The following MACROD2 variants were observed in gnomAD, a reference collection of about 807,000 sequenced individuals.
MACROD2 encodes the protein mono-ADP ribosylhydrolase 2.
Under a neutral mutation model 70.4 loss-of-function variants are expected in MACROD2, and 36 were observed. The ratio of observed to expected loss-of-function variants is 0.51; its 90% CI spans 0.39 to 0.68. The LOEUF (loss-of-function observed/expected upper bound fraction) is 0.68, where lower values mean the gene tolerates loss of function less well. Among genes scored for constraint, MACROD2 ranks in the 30% least tolerant of loss-of-function variants. The probability of loss-of-function intolerance (pLI) is 0.00; values close to 1 mark genes in which losing one functional copy is unlikely to be tolerated. For missense variants in MACROD2, 496 were observed against 538.4 expected (o/e 0.92, Z 0.78); for synonymous variants, 172 against 178.8 (o/e 0.96, Z 0.30).
At chr20:15,869,238 T>TATATATATAGAGAGAGAGAGAGAGAGAG in intron 9 of MACROD2, among the ~76,000 whole-genome samples, 3 of 28,296 alleles carry the variant, frequency 1.1e-4, no homozygotes, top group African/African-American at 3.0e-4. Flanking sequence ...TATATATATA[T>TATATATATAGAGAGAGAGAGAGAGAGAG]AGAGAGAGAG....
At position 15,044,011 on chromosome 20, in the gene MACROD2, G is replaced by A. The variant is rs1442119496; in HGVS notation, c.419-185929G>A. On this transcript the variant is annotated intron_variant, in intron 5 of 17. Coordinates refer to ENST00000684519, the MANE Select transcript of MACROD2 (RefSeq NM_001351661.2). ...CCCCTGAAACTCTCTGCACTCCATTGTGTAGGGTTTTTATGGAGGTGTCAT... is the reference window on the plus strand; with the variant it reads ...CCCCTGAAACTCTCTGCACTCCATTATGTAGGGTTTTTATGGAGGTGTCAT... 3.3e-5 allele frequency among the ~76,000 whole-genome samples: 5 copies of A among 152,180 alleles called. No individual in the cohort carries two copies. The East Asian group carries it at 9.6e-4, about 29-fold the overall frequency.
intron 3 of MACROD2, among the ~76,000 whole-genome samples, chr20:14,362,919 T>C (rs2083236454): frequency 6.6e-6 from 1 of 152,154 alleles, no homozygotes; most frequent in African/African-American, 2.4e-5. Flanking sequence ...AACATATAAG[T>C]ACATATAATT....
rs548522491 is a variant in MACROD2 at position 15,207,436 on chromosome 20, G to GT, written c.419-22483dup. On this transcript the variant is annotated intron_variant, in intron 5 of 17. Transcript: ENST00000684519. ...TCTTTTGTTTGTTTGTTTGTTTCTG[G>GT]TTTTTTTTTTTTTTTTTTTTTCAGA... 7.2e-3 allele frequency among the ~76,000 whole-genome samples: 607 copies of GT among 84,552 alleles called. 28 individuals carry two copies. The highest frequency in any genetic ancestry group is 0.016 in the East Asian group (52 of 3,218). 55.5% of individuals were successfully genotyped at this position (84,552 alleles called of 152,430 possible).
chr20:14,335,111 C>T (rs1451443052), intron 3 of MACROD2, among the ~76,000 whole-genome samples: 2 of 152,048 alleles, frequency 1.3e-5, no homozygotes, highest in Admixed American at 1.3e-4. Flanking sequence ...TAAAACTGTT[C>T]AAAATAATCC....
At chr20:15,726,205 GT>G (rs2050860379) in intron 8 of MACROD2, among the ~76,000 whole-genome samples, 1 of 152,086 alleles carries the variant, frequency 6.6e-6, no homozygotes, top group Non-Finnish European at 1.5e-5. Flanking sequence ...TTCTACGTTA[GT>G]TCTCTTAGGA....
intron 5 of MACROD2, among the ~76,000 whole-genome samples, chr20:14,710,278 A>G (rs2071322548): frequency 6.6e-6 from 1 of 152,224 alleles, no homozygotes; most frequent in African/African-American, 2.4e-5. Flanking sequence ...GGTGAGTGGT[A>G]AAGTTCTGCC....
chr20:14,290,766 C>A (rs1348330652), intron 3 of MACROD2, among the ~76,000 whole-genome samples: 1 of 152,226 alleles, frequency 6.6e-6, no homozygotes, highest in Admixed American at 6.5e-5. Context: ...GCCTCAGCCT[C>A]CCAGAGTGCT....
intron 8 of MACROD2, among the ~76,000 whole-genome samples, chr20:15,585,979 T>C (rs1203120537): frequency 6.6e-6 from 1 of 152,050 alleles, no homozygotes; most frequent in Non-Finnish European, 1.5e-5. Flanking sequence ...AGGGCTGGAG[T>C]ATCTTTCTGA....
intron 3 of MACROD2, among the ~76,000 whole-genome samples, chr20:14,310,350 A>G (rs1263015156): frequency 6.6e-6 from 1 of 152,076 alleles, no homozygotes; most frequent in East Asian, 1.9e-4. Flanking sequence ...ATAAAATTAC[A>G]GTCATGTGCT....
intron 4 of MACROD2, among the ~76,000 whole-genome samples, chr20:14,521,451 A>G (rs1199427195): frequency 6.6e-6 from 1 of 152,244 alleles, no homozygotes; most frequent in Non-Finnish European, 1.5e-5. Context: ...TATTACATTA[A>G]ATAAGATTAT....
intron 6 of MACROD2, among the ~76,000 whole-genome samples, chr20:15,240,570 AAAG>A (rs1228143747): frequency 3.9e-5 from 6 of 152,326 alleles, no homozygotes; most frequent in South Asian, 2.1e-4. Context: ...TCTAAAAAGA[AAAG>A]AAGAAGAAGA....
In MACROD2 at chr20:14,575,017, C is replaced by CAAAAAAAA. The variant is rs1195216470; in HGVS notation, c.301+81527_301+81534dup. 2.1e-3 allele frequency among the ~76,000 whole-genome samples: 103 copies of CAAAAAAAA among 49,894 alleles called. 3 individuals carry two copies. The highest frequency in any genetic ancestry group is 7.1e-3 in the African/African-American group (97 of 13,698). 32.7% of individuals were successfully genotyped at this position (49,894 alleles called of 152,430 possible). On this transcript the variant is annotated intron_variant, in intron 4 of 17. Transcript: ENST00000684519. ...TGGGCGACAGAGCGAGACTCTGTCT[C>CAAAAAAAA]AAAAAAAAAAAAAAAAAAAAAAAAA... is the stretch of plus-strand genomic sequence containing the variant.
chr20:14,748,488 T>C (rs937535070), intron 5 of MACROD2, among the ~76,000 whole-genome samples: 2 of 152,120 alleles, frequency 1.3e-5, no homozygotes, highest in Non-Finnish European at 2.9e-5. Context: ...AGCAGAAATT[T>C]TGTATCTTAA....
intron 1 of MACROD2, among the ~76,000 whole-genome samples, chr20:13,997,991 T>C (rs1177670261): frequency 6.6e-6 from 1 of 152,148 alleles, no homozygotes; most frequent in Admixed American, 6.5e-5. Context: ...AGCTGTCCTT[T>C]AAAGCTAAAG....
intron 3 of MACROD2, among the ~76,000 whole-genome samples, chr20:14,249,348 A>T (rs2081992500): frequency 6.6e-6 from 1 of 151,946 alleles, no homozygotes; most frequent in Non-Finnish European, 1.5e-5. Context: ...TGATCCGATG[A>T]GGTGGAGAGG....
At chr20:14,436,217 G>A (rs80141743) in intron 3 of MACROD2, among the ~76,000 whole-genome samples, 2,662 of 152,120 alleles carry the variant, frequency 0.017, 69 homozygotes, top group African/African-American at 0.06. Flanking sequence ...ACAATGTCAT[G>A]CATTTAGTGT....
At chr20:15,635,688 A>G (rs1056409443) in intron 8 of MACROD2, among the ~76,000 whole-genome samples, 1 of 152,198 alleles carries the variant, frequency 6.6e-6, no homozygotes, top group African/African-American at 2.4e-5. Flanking sequence ...GCATCCTGCA[A>G]TATACACATG....
intron 6 of MACROD2, among the ~76,000 whole-genome samples, chr20:15,390,719 A>G (rs2146293018): frequency 6.6e-6 from 1 of 152,366 alleles, no homozygotes; most frequent in South Asian, 2.1e-4. Context: ...GTAGGAATAC[A>G]ACTCATTTAT....
intron 4 of MACROD2, among the ~76,000 whole-genome samples, chr20:14,643,173 G>A (rs572068944): frequency 1.8e-4 from 28 of 152,186 alleles, no homozygotes; most frequent in African/African-American, 6.7e-4. Flanking sequence ...TACTGTTGCT[G>A]CCCAATGTCA....
Sources: allele counts gnomAD v4.1 joint callset (sites outside exome capture counted in the v4.1 genomes callset), GRCh38; gene constraint gnomAD v4.1.1; transcripts MANE v1.5; gene names NCBI Gene and HGNC (gene_info 2026-07-23, HGNC 2026-07-21).